The following PKD2L1 variants were observed in gnomAD, a reference collection of about 807,000 sequenced individuals.
PKD2L1 encodes the protein polycystin-2-like protein 1.
In PKD2L1, 77 loss-of-function variants were observed where a neutral mutation model predicts 93.0. That is an observed-to-expected ratio of 0.83 (90% CI 0.69 to 1.00). The LOEUF is 1.00. PKD2L1 is among the 50% of genes least tolerant of loss of function. PKD2L1 has a pLI of 0.00. For synonymous variants in PKD2L1, 390 were observed against 388.0 expected, an observed-to-expected ratio of 1.01 and a Z score of -0.06; for missense variants, 977 against 990.9, an observed-to-expected ratio of 0.99 and a Z score of 0.19.
intron 2 of PKD2L1, among the ~76,000 whole-genome samples, chr10:100,301,735 G>C (rs1848682717): frequency 6.6e-6 from 1 of 152,152 alleles, no homozygotes; most frequent in Non-Finnish European, 1.5e-5. Flanking sequence ...GGGTCCTGAG[G>C]CAACATACAT....
In PKD2L1 at chr10:100,296,645, G is replaced by A. The variant is rs77907968; in HGVS notation, c.1185+335C>T. 1.5e-3 allele frequency among the ~76,000 whole-genome samples: 222 copies of A among 152,124 alleles called. 1 individual carries two copies. The highest frequency in any genetic ancestry group is 5.3e-3 in the African/African-American group (218 of 41,498). ...AATAGGAGGGAGATGAAGATGAAGG[G>A]GCAGAATATTTGAATAGAAGACAAA... On this transcript the variant is annotated intron_variant, in intron 6 of 15. Transcript: ENST00000318222.
chr10:100,294,399 G>T, intron 9 of PKD2L1, 136 bp downstream of exon 9: 2 of 901,926 alleles, frequency 2.2e-6, no homozygotes, highest in Non-Finnish European at 3.5e-6. Flanking sequence ...TCTCTCAGAA[G>T]ATCCAGACAT....
At position 100,290,069 on chromosome 10, in the gene PKD2L1, G is replaced by C; in HGVS notation, c.2196C>G (p.Gly732=). The change falls in exon 14 of 16, where the codon GGC becomes GGG. Residue 732 remains glycine, a synonymous_variant. Transcript: ENST00000318222. ...EGVVSQIDAV[G]SKLKMLERKG... is the part of the protein sequence containing the mutation. ...TCCTCTCCAGCATTTTCAGCTTTGA[G>C]CCTACAGCATCAATCTGGGACACTA... 1.2e-6 allele frequency: 2 copies of C among 1,614,146 alleles called. No individual in the cohort carries two copies. Among genetic ancestry groups the C allele is most frequent in the Non-Finnish European group, 1.7e-6 (2 of 1,180,002 alleles).
At chr10:100,311,389 T>G (rs1041562444) in intron 2 of PKD2L1, among the ~76,000 whole-genome samples, 4 of 152,220 alleles carry the variant, frequency 2.6e-5, no homozygotes, top group Non-Finnish European at 5.9e-5. Context: ...CTGATCCCTT[T>G]TAGACATAGG....
intron 2 of PKD2L1, among the ~76,000 whole-genome samples, chr10:100,314,822 G>A (rs949549105): frequency 2.0e-5 from 3 of 151,694 alleles, no homozygotes; most frequent in African/African-American, 7.3e-5. Context: ...ATCACCCAAG[G>A]TCAGGAGTTC....
chr10:100,324,640 A>G (rs903266327), intron 2 of PKD2L1, among the ~76,000 whole-genome samples: 8 of 152,208 alleles, frequency 5.3e-5, no homozygotes, highest in Non-Finnish European at 8.8e-5. Flanking sequence ...GATAACTACT[A>G]CCAGTGATTG....
At chr10:100,318,118 A>T (rs555524914) in intron 2 of PKD2L1, among the ~76,000 whole-genome samples, 8 of 152,038 alleles carry the variant, frequency 5.3e-5, no homozygotes, top group African/African-American at 1.9e-4. Context: ...GATTGCCCTC[A>T]TTCCTTATTT....
intron 2 of PKD2L1, among the ~76,000 whole-genome samples, chr10:100,311,626 G>A (rs1394395399): frequency 6.6e-6 from 1 of 152,108 alleles, no homozygotes; most frequent in Non-Finnish European, 1.5e-5. Flanking sequence ...TCCTTTCCCA[G>A]GTGATTGCCA....
chr10:100,309,538 T>C (rs1256272276), intron 2 of PKD2L1, among the ~76,000 whole-genome samples: 2 of 152,172 alleles, frequency 1.3e-5, no homozygotes, highest in African/African-American at 4.8e-5. Context: ...TTATATGAGG[T>C]ATCACACCTC....
chr10:100,300,954 C>T (rs1008754426), intron 2 of PKD2L1, among the ~76,000 whole-genome samples: 10 of 152,164 alleles, frequency 6.6e-5, no homozygotes, highest in East Asian at 1.9e-4. Context: ...GATAATTCAA[C>T]GTAGGTTCTT....
chr10:100,329,750 G>C (rs2133578773), intron 1 of PKD2L1, 119 bp downstream of exon 1: 3 of 709,788 alleles, frequency 4.2e-6, no homozygotes, highest in Non-Finnish European at 7.2e-6. Context: ...ACACCCCAAA[G>C]TGACACCGAA....
intron 2 of PKD2L1, among the ~76,000 whole-genome samples, chr10:100,312,125 T>C (rs796393882): frequency 1.9e-4 from 29 of 152,256 alleles, no homozygotes; most frequent in African/African-American, 6.7e-4. Context: ...CAGAGGAAAG[T>C]AGGAACCTGG....
chr10:100,319,995 G>A (rs1849192084), intron 2 of PKD2L1, among the ~76,000 whole-genome samples: 1 of 152,228 alleles, frequency 6.6e-6, no homozygotes, highest in African/African-American at 2.4e-5. Context: ...CATGATGATG[G>A]TGTGGGCCCA....
At chr10:100,316,483 T>C (rs1168617513) in intron 2 of PKD2L1, among the ~76,000 whole-genome samples, 1 of 152,250 alleles carries the variant, frequency 6.6e-6, no homozygotes, top group Admixed American at 6.5e-5. Context: ...GTCTCAGGTA[T>C]TTCAAAACCC....
chr10:100,295,646 T>C (rs1386327417), intron 7 of PKD2L1, among the ~76,000 whole-genome samples: 1 of 145,086 alleles, frequency 6.9e-6, no homozygotes, highest in Non-Finnish European at 1.5e-5. Context: ...GGCAGGAGAA[T>C]TGCTTCAACC....
intron 7 of PKD2L1, 130 bp downstream of exon 7, chr10:100,295,992 C>T (rs1410405129): frequency 1.3e-6 from 1 of 746,522 alleles, no homozygotes; most frequent in South Asian, 1.9e-5. Flanking sequence ...GCCAAGATCG[C>T]CCCCACTTCA....
chr10:100,316,363 G>T (rs144055319), intron 2 of PKD2L1, among the ~76,000 whole-genome samples: 293 of 152,250 alleles, frequency 1.9e-3, no homozygotes, highest in African/African-American at 6.8e-3. Context: ...GTAGAGATGG[G>T]GTTTCTCCAT....
chr10:100,318,693 G>A (rs1438187446), intron 2 of PKD2L1, among the ~76,000 whole-genome samples: 1 of 150,392 alleles, frequency 6.6e-6, no homozygotes, highest in Admixed American at 6.6e-5. Flanking sequence ...TAATTTTTTT[G>A]TATTTTTAGT....
intron 2 of PKD2L1, among the ~76,000 whole-genome samples, chr10:100,302,236 T>TACAC (rs371466280): frequency 4.1e-5 from 5 of 120,704 alleles, no homozygotes; most frequent in African/African-American, 1.4e-4. Context: ...TATTCATGCA[T>TACAC]ACACACACAC....
Sources: allele counts gnomAD v4.1 joint callset (sites outside exome capture counted in the v4.1 genomes callset), GRCh38; gene constraint gnomAD v4.1.1; transcripts MANE v1.5; gene names NCBI Gene and HGNC (gene_info 2026-07-23, HGNC 2026-07-21).